The following EML1 variants were observed in gnomAD, a reference collection of about 807,000 sequenced individuals.
EML1 encodes the protein EMAP like 1.
In EML1, 27 loss-of-function variants were observed where a neutral mutation model predicts 110.4. The ratio of observed to expected loss-of-function variants is 0.24; its 90% confidence interval spans 0.18 to 0.34. EML1 has a LOEUF of 0.34. Ranked by LOEUF, EML1 falls within the 10% of genes least tolerant of loss-of-function variation. The pLI is 1.00. For missense variants in EML1, 741 were observed against 1,030.9 expected (o/e 0.72, Z 3.85); for synonymous variants, 344 against 385.8 (o/e 0.89, Z 1.27).
chr14:99,841,239 T>C lies in EML1; in HGVS notation c.68-9614T>C, dbSNP rs150890629. On this transcript the variant is annotated intron_variant, in intron 1 of 21. Coordinates refer to ENST00000262233, the MANE Select transcript of EML1 (RefSeq NM_004434.3). Reference sequence around the variant, plus strand: ...CTGCAGAGAGAGACCTGCACAGTATTTGCAGAATTTGTTCAATAATTATTG... The same window carrying C: ...CTGCAGAGAGAGACCTGCACAGTATCTGCAGAATTTGTTCAATAATTATTG... 3.7e-3 allele frequency among the ~76,000 whole-genome samples: 569 copies of C among 152,332 alleles called. 3 individuals carry two copies. Among genetic ancestry groups the C allele is most frequent in the African/African-American group, 0.013 (550 of 41,578 alleles).
intron 3 of EML1, among the ~76,000 whole-genome samples, chr14:99,872,555 A>G (rs2059223528): frequency 6.6e-6 from 1 of 152,204 alleles, no homozygotes; most frequent in Admixed American, 6.5e-5. Flanking sequence ...TGAGTGTCCA[A>G]GACTCTGGGT....
chr14:99,782,584 C>A (rs1479640748), intron 1 of EML1, among the ~76,000 whole-genome samples: 2 of 152,150 alleles, frequency 1.3e-5, no homozygotes, highest in Non-Finnish European at 2.9e-5. Context: ...GAACCGGTGA[C>A]CAAGCCTGTG....
intron 3 of EML1, among the ~76,000 whole-genome samples, chr14:99,876,969 T>C (rs1454387128): frequency 6.6e-6 from 1 of 152,204 alleles, no homozygotes; most frequent in Non-Finnish European, 1.5e-5. Context: ...ACTAATGATG[T>C]AGATTTTTAA....
intron 1 of EML1, among the ~76,000 whole-genome samples, chr14:99,745,148 C>G (rs904109889): frequency 2.0e-5 from 3 of 152,156 alleles, no homozygotes; most frequent in Non-Finnish European, 4.4e-5. Context: ...TCACTGCAAC[C>G]TCTGCCTCCC....
intron 5 of EML1, among the ~76,000 whole-genome samples, chr14:99,893,160 G>A (rs1227071007): frequency 6.6e-6 from 1 of 152,232 alleles, no homozygotes; most frequent in Non-Finnish European, 1.5e-5. Flanking sequence ...GGCTGTGGCA[G>A]ATGAGGTCCT....
At chr14:99,896,857 T>G (rs868185350) in intron 6 of EML1, among the ~76,000 whole-genome samples, 4 of 152,142 alleles carry the variant, frequency 2.6e-5, no homozygotes, top group Admixed American at 6.6e-5. Context: ...ATTTAGCTCG[T>G]AGATTACAGT....
chr14:99,769,317 T>C (rs1221041390), upstream of EML1, among the ~76,000 whole-genome samples: 1 of 152,194 alleles, frequency 6.6e-6, no homozygotes, highest in Non-Finnish European at 1.5e-5. Context: ...CAGGGAGCAC[T>C]GTTCCAAGGA....
chr14:99,808,829 C>G (rs58103160), intron 1 of EML1, among the ~76,000 whole-genome samples: 2,340 of 152,314 alleles, frequency 0.015, 60 homozygotes, highest in African/African-American at 0.053. Flanking sequence ...GATCTCCTTT[C>G]TAATATTTTA....
In EML1 at chr14:99,936,386, T is replaced by G. The variant is rs774288853; in HGVS notation, c.2095+52T>G. 3 of 1,556,532 alleles carry G rather than the reference T, an allele frequency of 1.9e-6. No individual in the cohort carries two copies. The Admixed American group carries it at 5.1e-5, about 26-fold the overall frequency. On this transcript the variant is annotated intron_variant, in intron 19 of 21. Coordinates refer to ENST00000262233, the MANE Select transcript of EML1 (RefSeq NM_004434.3). This position sits in a 1 kb window ranked among gnomAD's most constrained non-coding sequence, Gnocchi z 5.5. ...AGTCTCGATCTCAGAAAGCGTTCAC[T>G]CTGAGATCCAGGGGGCCTCTGTGAG...
At chr14:99,787,251 T>C (rs1187130938) in intron 1 of EML1, among the ~76,000 whole-genome samples, 3 of 151,362 alleles carry the variant, frequency 2.0e-5, no homozygotes, top group Non-Finnish European at 4.4e-5. Context: ...GAATAGTCAA[T>C]TCTTGACTCT....
intron 10 of EML1, among the ~76,000 whole-genome samples, chr14:99,908,327 C>A (rs1324544479): frequency 6.6e-6 from 1 of 152,272 alleles, no homozygotes. Context: ...CTTGCCTTGA[C>A]TGACCTTTTT....
chr14:99,782,741 G>A (rs569628602), intron 1 of EML1, among the ~76,000 whole-genome samples: 3 of 152,230 alleles, frequency 2.0e-5, no homozygotes, highest in African/African-American at 7.2e-5. Context: ...TTAGGAAGAA[G>A]TACAGCATCT....
At chr14:99,938,223 C>T (rs963393120) in intron 20 of EML1, among the ~76,000 whole-genome samples, 7 of 152,172 alleles carry the variant, frequency 4.6e-5, no homozygotes, top group African/African-American at 1.7e-4. Context: ...GACCAGATGG[C>T]ACTCAGTCAA....
upstream of EML1, among the ~76,000 whole-genome samples, chr14:99,791,008 C>T (rs2057664063): frequency 1.3e-5 from 2 of 152,102 alleles, no homozygotes; most frequent in Admixed American, 1.3e-4. Context: ...TAGGTGCACA[C>T]CACCATGTCT....
intron 6 of EML1, among the ~76,000 whole-genome samples, chr14:99,895,547 A>G (rs2059657994): frequency 6.6e-6 from 1 of 152,140 alleles, no homozygotes; most frequent in African/African-American, 2.4e-5. Context: ...CATTGGCAAA[A>G]AAGTTTTTAA....
intron 1 of EML1, among the ~76,000 whole-genome samples, chr14:99,835,565 A>G (rs916816965): frequency 2.0e-5 from 3 of 151,868 alleles, no homozygotes; most frequent in African/African-American, 4.8e-5. Flanking sequence ...CCCATCCCCT[A>G]CTTCCTTCTC....
At chr14:99,776,509 A>G (rs1229781445) in intron 1 of EML1, among the ~76,000 whole-genome samples, 1 of 152,072 alleles carries the variant, frequency 6.6e-6, no homozygotes, top group African/African-American at 2.4e-5. Flanking sequence ...ATCTCAAAAA[A>G]AAAAAAACAA....
At position 99,781,087 on chromosome 14, in the gene EML1, C is replaced by A. The variant is rs905844884; in HGVS notation, c.-27+7074C>A. On this transcript the variant is annotated intron_variant, in intron 1 of 22. Coordinates refer to the EML1 transcript ENST00000327921. The surrounding 1 kb of genome is among the most constrained non-coding windows in gnomAD (Gnocchi z 4.2). ...TTCTTTCCAAGGACACGCGCCCCTGCCCCCAGAATACTGGTTGGGTCCAGC... is the reference window on the plus strand; with the variant it reads ...TTCTTTCCAAGGACACGCGCCCCTGACCCCAGAATACTGGTTGGGTCCAGC... 1.3e-5 allele frequency among the ~76,000 whole-genome samples: 2 copies of A among 152,124 alleles called. No homozygotes were observed. Among genetic ancestry groups the A allele is most frequent in the African/African-American group, 4.8e-5 (2 of 41,424 alleles).
chr14:99,911,606 G>A, intron 13 of EML1, 30 bp downstream of exon 13: 1 of 1,598,942 alleles, frequency 6.3e-7, no homozygotes, highest in Non-Finnish European at 8.5e-7. Context: ...GCTAAAATTT[G>A]TTTTTAACCT....
Sources: allele counts gnomAD v4.1 joint callset (sites outside exome capture counted in the v4.1 genomes callset), GRCh38; gene constraint gnomAD v4.1.1; non-coding constraint Gnocchi (gnomAD v3.1); transcripts MANE v1.5; gene names NCBI Gene and HGNC (gene_info 2026-07-23, HGNC 2026-07-21).